Variants in PRKG1 observed in about 807,000 individuals in gnomAD.
PRKG1 encodes cGMP-dependent protein kinase 1.
PRKG1 carries 35 observed loss-of-function variants against 88.1 expected under a neutral mutation model. That is an observed-to-expected ratio of 0.40 (90% CI 0.30 to 0.53). PRKG1 has a LOEUF of 0.53. Ranked by LOEUF, PRKG1 falls within the 20% of genes least tolerant of loss-of-function variation. The pLI is 0.59. For missense variants in PRKG1, 540 were observed against 839.8 expected (o/e 0.64, Z 4.41); for synonymous variants, 303 against 292.5 (o/e 1.04, Z -0.37).
chr10:51,696,120 A>G (rs1332614185), intron 3 of PRKG1: 2 of 152,220 alleles, frequency 1.3e-5, no homozygotes. Flanking sequence ...CAAAAAGTAA[A>G]ATGAGCAGTA....
At chr10:51,711,988 T>TAATA (rs1841763439) in intron 3 of PRKG1, among the ~76,000 whole-genome samples, 1 of 152,214 alleles carries the variant, frequency 6.6e-6, no homozygotes, top group African/African-American at 2.4e-5. Context: ...GAGGTTTCTA[T>TAATA]AATAAACAGA....
chr10:51,896,771 A>G (rs1841859663), intron 4 of PRKG1, among the ~76,000 whole-genome samples: 1 of 151,934 alleles, frequency 6.6e-6, no homozygotes, highest in Admixed American at 6.6e-5. Flanking sequence ...TGATTCTAAA[A>G]CTCATATGCT....
chr10:52,197,461 A>G (rs928584817), intron 9 of PRKG1, among the ~76,000 whole-genome samples: 1 of 152,228 alleles, frequency 6.6e-6, no homozygotes, highest in South Asian at 2.1e-4. Context: ...GTCCTTGTGA[A>G]GACTATAGAA....
intron 7 of PRKG1, among the ~76,000 whole-genome samples, chr10:52,103,027 G>C (rs1184176373): frequency 6.6e-6 from 1 of 152,202 alleles, no homozygotes; most frequent in Non-Finnish European, 1.5e-5. Context: ...TCAGATCAGA[G>C]ATGGCATTAG....
At chr10:51,562,017 G>A (rs553998853) in intron 3 of PRKG1, among the ~76,000 whole-genome samples, 1 of 152,160 alleles carries the variant, frequency 6.6e-6, no homozygotes, top group Non-Finnish European at 1.5e-5. Flanking sequence ...GAGATCAGGA[G>A]TTCGAGACCA....
intron 5 of PRKG1, among the ~76,000 whole-genome samples, chr10:51,934,167 A>G (rs1842753845): frequency 6.6e-6 from 1 of 152,064 alleles, no homozygotes; most frequent in Non-Finnish European, 1.5e-5. Context: ...CAAGATCATA[A>G]CAACAAATTA....
rs1434151317 is a variant in PRKG1, at chr10:50,991,673, C to T, written c.266+29C>T. On this transcript the variant is annotated intron_variant, in intron 1 of 17. Coordinates refer to the PRKG1 transcript ENST00000401604. The surrounding 1 kb of genome is among the most constrained non-coding windows in gnomAD (Gnocchi z 4.5). ...GGCGCGGAGGCCGTGGGCCCGGGCG[C>T]TCGTCCCGGCCCGCGGCGCAGAGGC... is the stretch of plus-strand genomic sequence containing the variant. 3 of 1,437,628 alleles carry T rather than the reference C, an allele frequency of 2.1e-6. No homozygotes were observed. Among genetic ancestry groups the T allele is most frequent in the Non-Finnish European group, 2.8e-6 (3 of 1,089,950 alleles). The allele number at this position is 1,437,628 out of a possible 1,614,324, so 89.1% of individuals were successfully genotyped here. A position where few individuals can be genotyped will look rare whatever the true frequency, so the allele number is the denominator to read the frequency against.
chr10:52,286,378 A>T (rs11001455), intron 14 of PRKG1, among the ~76,000 whole-genome samples: 7,235 of 152,132 alleles, frequency 0.048, 259 homozygotes, highest in South Asian at 0.19. Flanking sequence ...CGACATATAA[A>T]GTGTGGACCC....
At chr10:51,149,295 C>A (rs909301302) in intron 1 of PRKG1, among the ~76,000 whole-genome samples, 5 of 152,046 alleles carry the variant, frequency 3.3e-5, no homozygotes, top group Non-Finnish European at 7.4e-5. Flanking sequence ...GTATGGTAAC[C>A]ATAATGTAGA....
chr10:51,611,483 T>A lies in PRKG1; in HGVS notation c.592+143647T>A, dbSNP rs1490680773. ...TTTTAATAAGATTATTTGCCCTTTT[T>A]TAAAAAAAAAACGTTAAATTGTTTC... On this transcript the variant is annotated intron_variant, in intron 3 of 17. Coordinates refer to ENST00000373980, the MANE Select transcript of PRKG1 (RefSeq NM_006258.4). 4.6e-3 allele frequency among the ~76,000 whole-genome samples: 692 copies of A among 149,276 alleles called. 4 individuals carry two copies. Among genetic ancestry groups the A allele is most frequent in the African/African-American group, 0.016 (646 of 41,136 alleles).
intron 2 of PRKG1, among the ~76,000 whole-genome samples, chr10:51,363,502 G>C (rs1842527711): frequency 6.6e-6 from 1 of 151,964 alleles, no homozygotes. Context: ...CAAGAAGGGG[G>C]AAGTGAAATA....
intron 2 of PRKG1, among the ~76,000 whole-genome samples, chr10:51,238,948 C>T (rs1320271184): frequency 1.3e-5 from 2 of 149,288 alleles, no homozygotes; most frequent in Non-Finnish European, 3.0e-5. Flanking sequence ...ATGTTTAGAC[C>T]TAAAGTTAAA....
At chr10:51,673,443 G>A (rs1327120121) in intron 3 of PRKG1, among the ~76,000 whole-genome samples, 1 of 152,164 alleles carries the variant, frequency 6.6e-6, no homozygotes, top group Non-Finnish European at 1.5e-5. Flanking sequence ...GAAGAGCAAT[G>A]AGGAAATTGG....
intron 3 of PRKG1, among the ~76,000 whole-genome samples, chr10:51,795,070 T>C (rs1564649706): frequency 6.6e-6 from 1 of 152,176 alleles, no homozygotes. Flanking sequence ...ATCCACTTGG[T>C]CCTTCTAGTA....
At chr10:51,940,649 G>A (rs17638971) in intron 5 of PRKG1, among the ~76,000 whole-genome samples, 13,307 of 151,858 alleles carry the variant, frequency 0.088, 808 homozygotes, top group Middle Eastern at 0.13. Flanking sequence ...ATTTAAACAT[G>A]CAAGTCCTGC....
At chr10:52,260,666 A>T (rs1448159586) in intron 10 of PRKG1, among the ~76,000 whole-genome samples, 1 of 152,118 alleles carries the variant, frequency 6.6e-6, no homozygotes, top group Non-Finnish European at 1.5e-5. Context: ...AAGGGAGATT[A>T]TGCATAGAAA....
chr10:51,155,709 C>T (rs4505006), intron 2 of PRKG1, among the ~76,000 whole-genome samples: 71,994 of 151,640 alleles, frequency 0.47, 17,085 homozygotes, highest in African/African-American at 0.52. Flanking sequence ...AGGGTAAGGC[C>T]CATTGATCAG....
chr10:51,374,091 A>ATATATATATATATATATATATATATATAT (rs1554801042), intron 2 of PRKG1, among the ~76,000 whole-genome samples: 2 of 64,742 alleles, frequency 3.1e-5, no homozygotes, highest in South Asian at 7.9e-4. Context: ...GCAAAAAAAA[A>ATATATATATATATATATATATATATATAT]AAATATATAT....
At chr10:51,990,519 T>C (rs114866026) in intron 5 of PRKG1, among the ~76,000 whole-genome samples, 2,471 of 152,202 alleles carry the variant, frequency 0.016, 63 homozygotes, top group African/African-American at 0.056. Context: ...ATTATGATTA[T>C]GGTATTTAAT....
Sources: gnomAD v4.1 joint callset for allele counts (sites outside exome capture counted in the v4.1 genomes callset) on GRCh38, gnomAD v4.1.1 for gene constraint, Gnocchi (gnomAD v3.1) non-coding constraint, MANE v1.5 for transcripts, NCBI Gene and HGNC (gene_info 2026-07-23, HGNC 2026-07-21) for gene names.